The following FRMPD4 variants were observed in gnomAD, a reference collection of about 807,000 sequenced individuals.
The protein encoded by FRMPD4 is FERM and PDZ domain containing 4.
A neutral mutation model predicts 94.1 loss-of-function variants in FRMPD4; 22 were observed. The ratio of observed to expected loss-of-function variants is 0.23; its 90% CI spans 0.17 to 0.33. The LOEUF (loss-of-function observed/expected upper bound fraction) is 0.33, where lower values mean the gene tolerates loss of function less well. Ranked by LOEUF, FRMPD4 falls within the 10% of genes least tolerant of loss-of-function variation. FRMPD4 has a pLI of 1.00. For synonymous variants in FRMPD4, 631 were observed against 548.6 expected, an observed-to-expected ratio of 1.15 and a Z score of -2.10; for missense variants, 1,111 against 1,339.9, an observed-to-expected ratio of 0.83 and a Z score of 2.67.
intron 1 of FRMPD4, among the ~76,000 whole-genome samples, chrX:12,157,828 G>T (rs1288900609): frequency 8.9e-6 from 1 of 112,790 alleles, no homozygotes; most frequent in African/African-American, 3.2e-5. Context: ...GATTGGCAAA[G>T]AATCTTCTCT....
At chrX:12,194,936 G>C (rs1274489969) in intron 1 of FRMPD4, among the ~76,000 whole-genome samples, 1 of 111,990 alleles carries the variant, frequency 8.9e-6, no homozygotes, top group African/African-American at 3.2e-5. Flanking sequence ...AGGCTGAAAG[G>C]TTAATACAAA....
At chrX:11,917,064 C>CA (rs1437729125) in intron 3 of FRMPD4, among the ~76,000 whole-genome samples, 1 of 111,136 alleles carries the variant, frequency 9.0e-6, no homozygotes, top group Non-Finnish European at 1.9e-5. Context: ...CGCTGTTCTG[C>CA]AAAAAAGTAG....
intron 2 of FRMPD4, among the ~76,000 whole-genome samples, chrX:12,504,873 AT>A (rs2057962996): frequency 8.9e-6 from 1 of 112,426 alleles, no homozygotes; most frequent in South Asian, 3.7e-4. Flanking sequence ...TCTAGGACAA[AT>A]CCCTGAGTTG....
intron 3 of FRMPD4, among the ~76,000 whole-genome samples, chrX:12,023,787 T>C (rs1052647081): frequency 9.0e-6 from 1 of 111,179 alleles, no homozygotes; most frequent in African/African-American, 3.3e-5. Context: ...CTGCTCAGGG[T>C]CTTTAAGCTT....
chrX:12,522,208 T>A (rs1300142155), intron 2 of FRMPD4, among the ~76,000 whole-genome samples: 1 of 111,630 alleles, frequency 9.0e-6, no homozygotes, highest in East Asian at 2.8e-4. Flanking sequence ...GCCAGTGGCA[T>A]CTTTGTGCTA....
chrX:12,638,559 A>G (rs967707530), intron 4 of FRMPD4, among the ~76,000 whole-genome samples: 1 of 111,495 alleles, frequency 9.0e-6, no homozygotes, highest in Admixed American at 9.5e-5. Context: ...TTTTTATTCT[A>G]GTGGTTGTCA....
intron 1 of FRMPD4, among the ~76,000 whole-genome samples, chrX:12,361,873 G>A (rs1209052419): frequency 9.0e-6 from 1 of 111,144 alleles, no homozygotes; most frequent in African/African-American, 3.3e-5. Flanking sequence ...CTTGGCTTAT[G>A]GCAGCATCAC....
chrX:12,128,893 A>G (rs1017006445), intron 3 of FRMPD4, among the ~76,000 whole-genome samples: 70 of 112,035 alleles, frequency 6.2e-4, no homozygotes, highest in Non-Finnish European at 1.9e-4. Context: ...GCTATAGCAT[A>G]GCAAGAGTCG....
At chrX:12,059,273 G>A (rs1467811542) in intron 3 of FRMPD4, among the ~76,000 whole-genome samples, 1 of 111,382 alleles carries the variant, frequency 9.0e-6, no homozygotes, top group Admixed American at 9.5e-5. Flanking sequence ...CACTTTTATT[G>A]TTTTGTTCAA....
intron 14 of FRMPD4, among the ~76,000 whole-genome samples, chrX:12,714,638 A>G (rs1656472667): frequency 9.0e-6 from 1 of 111,004 alleles, no homozygotes; most frequent in African/African-American, 3.3e-5. Flanking sequence ...GGCCCACAAA[A>G]CCAAAATATT....
chrX:12,292,148 C>G (rs1382656304), intron 1 of FRMPD4, among the ~76,000 whole-genome samples: 1 of 111,648 alleles, frequency 9.0e-6, no homozygotes, highest in East Asian at 2.8e-4. Flanking sequence ...TTAGAAAACA[C>G]TTCTTATAGA....
chrX:11,869,885 T>A (rs1201821143), intron 2 of FRMPD4, among the ~76,000 whole-genome samples: 1 of 111,553 alleles, frequency 9.0e-6, no homozygotes, highest in Non-Finnish European at 1.9e-5. Context: ...TCTGCAAAAA[T>A]TTTGTTCAGG....
intron 2 of FRMPD4, among the ~76,000 whole-genome samples, chrX:12,526,746 CA>C (rs1391811332): frequency 8.9e-6 from 1 of 112,228 alleles, no homozygotes; most frequent in Non-Finnish European, 1.9e-5. Context: ...CAGGTGACAA[CA>C]AAGGTTTTCA....
At chrX:12,341,330 C>A (rs2055609467) in intron 1 of FRMPD4, among the ~76,000 whole-genome samples, 1 of 102,458 alleles carries the variant, frequency 9.8e-6, no homozygotes, top group South Asian at 3.8e-4. Flanking sequence ...GAAATATTGT[C>A]CTACCTTGAA....
At chrX:12,645,575 G>T (rs769839825) in intron 4 of FRMPD4, among the ~76,000 whole-genome samples, 6 of 109,295 alleles carry the variant, frequency 5.5e-5, no homozygotes, top group Non-Finnish European at 1.1e-4. Context: ...GGCTAGTCTC[G>T]AGCTTCCGAC....
intron 3 of FRMPD4, among the ~76,000 whole-genome samples, chrX:11,881,553 T>G (rs1283377022): frequency 8.9e-6 from 1 of 112,344 alleles, no homozygotes; most frequent in Non-Finnish European, 1.9e-5. Context: ...CAAAAGGTTA[T>G]TTACTGTACA....
In FRMPD4 at chrX:11,893,362, A is replaced by T. The variant is rs1390783371; in HGVS notation, c.95+15344A>T. On this transcript the variant is annotated intron_variant, in intron 3 of 18. Transcript: ENST00000640291. ...ATTCAGAATAGCACTGCTGTTAAGA[A>T]CTCCTTCCTGTAGAGACACTTGGAC... Among the ~76,000 whole-genome samples the T allele has an allele frequency of 3.6e-5, 4 of 111,801 alleles. No homozygotes were observed. The South Asian group carries it at 1.5e-3, about 42-fold the overall frequency.
intron 1 of FRMPD4, among the ~76,000 whole-genome samples, chrX:12,403,780 T>C (rs752129445): frequency 9.0e-6 from 1 of 111,464 alleles, no homozygotes; most frequent in South Asian, 3.9e-4. Context: ...TGGCTGTTCT[T>C]CTGCCTTAAC....
chrX:12,031,767 G>C (rs886570288), intron 3 of FRMPD4, among the ~76,000 whole-genome samples: 1 of 111,919 alleles, frequency 8.9e-6, no homozygotes, highest in Non-Finnish European at 1.9e-5. Context: ...GTAATCAGGT[G>C]TGTATTTTAG....
Sources: allele counts gnomAD v4.1 joint callset (sites outside exome capture counted in the v4.1 genomes callset), GRCh38; gene constraint gnomAD v4.1.1; transcripts MANE v1.5; gene names NCBI Gene and HGNC (gene_info 2026-07-23, HGNC 2026-07-21).